The following HEMK2 variants were observed in gnomAD, a reference collection of about 807,000 sequenced individuals.
HEMK2 encodes the protein methyltransferase HEMK2.
chr21:28,779,719 C>T, the HEMK2 span, among the ~76,000 whole-genome samples: 2 of 152,146 alleles, frequency 1.3e-5, no homozygotes, highest in Non-Finnish European at 2.9e-5. Context: ...TCTATCATCT[C>T]TCTTCTTCCA....
the HEMK2 span, among the ~76,000 whole-genome samples, chr21:28,607,551 C>T: frequency 6.6e-6 from 1 of 152,206 alleles, no homozygotes; most frequent in African/African-American, 2.4e-5. Context: ...TTCACCCAAT[C>T]CATGCAAATA....
chr21:28,743,946 G>T, the HEMK2 span, among the ~76,000 whole-genome samples: 1 of 152,074 alleles, frequency 6.6e-6, no homozygotes, highest in Non-Finnish European at 1.5e-5. Flanking sequence ...TTACAGAAAC[G>T]TGGATGGAAC....
At chr21:28,754,159 C>T in the HEMK2 span, among the ~76,000 whole-genome samples, 2 of 152,228 alleles carry the variant, frequency 1.3e-5, no homozygotes, top group Non-Finnish European at 2.9e-5. Context: ...GGCCCCCTCG[C>T]ACAGTTGAGT....
the HEMK2 span, among the ~76,000 whole-genome samples, chr21:28,705,891 C>T: frequency 6.6e-6 from 1 of 152,212 alleles, no homozygotes; most frequent in Admixed American, 6.5e-5. Flanking sequence ...TCTGACCATT[C>T]TGTAATTCCA....
At chr21:28,885,109 G>C in the HEMK2 span, 1 of 1,407,292 alleles carries the variant, frequency 7.1e-7, no homozygotes, top group Non-Finnish European at 9.4e-7. Flanking sequence ...GACCCCGCCT[G>C]CTCCGGCTCA....
chr21:28,750,700 C>CAAAAAAAAAAAAAAAAAAA, the HEMK2 span, among the ~76,000 whole-genome samples: 2 of 80,366 alleles, frequency 2.5e-5, 1 homozygote, highest in African/African-American at 9.3e-5. Context: ...GGCTCCATCT[C>CAAAAAAAAAAAAAAAAAAA]AAAAAAAAAA....
the HEMK2 span, among the ~76,000 whole-genome samples, chr21:28,877,747 A>AAGAT: frequency 1.1e-4 from 17 of 152,248 alleles, no homozygotes; most frequent in South Asian, 3.5e-3. Context: ...AAAGAGAGGA[A>AAGAT]AGATTATGGT....
the HEMK2 span, among the ~76,000 whole-genome samples, chr21:28,822,877 G>A: frequency 4.5e-4 from 68 of 151,128 alleles, no homozygotes; most frequent in Non-Finnish European, 7.1e-4. Context: ...TACTCCATTC[G>A]ATTTCCATTC....
chr21:28,868,311 G>C, the HEMK2 span, among the ~76,000 whole-genome samples: 1 of 152,136 alleles, frequency 6.6e-6, no homozygotes, highest in Non-Finnish European at 1.5e-5. Flanking sequence ...GTAAGTATAG[G>C]AACAATTGGT....
At chr21:28,718,247 G>A in the HEMK2 span, among the ~76,000 whole-genome samples, 1 of 151,998 alleles carries the variant, frequency 6.6e-6, no homozygotes, top group African/African-American at 2.4e-5. Flanking sequence ...GATCTTCTTG[G>A]CATTGATTTC....
chr21:28,829,895 T>C, the HEMK2 span, among the ~76,000 whole-genome samples: 1 of 152,206 alleles, frequency 6.6e-6, no homozygotes, highest in Non-Finnish European at 1.5e-5. Flanking sequence ...TGAAATGTCC[T>C]GTTCATTTGG....
the HEMK2 span, among the ~76,000 whole-genome samples, chr21:28,713,883 A>G: frequency 6.6e-6 from 1 of 152,240 alleles, no homozygotes; most frequent in African/African-American, 2.4e-5. Flanking sequence ...TATATGGCCA[A>G]TATGTACATA....
At chr21:28,745,908 C>T in the HEMK2 span, among the ~76,000 whole-genome samples, 1 of 152,198 alleles carries the variant, frequency 6.6e-6, no homozygotes, top group East Asian at 1.9e-4. Flanking sequence ...TCAGTAACCG[C>T]AGATACTGCA....
chr21:28,750,941 A>G, the HEMK2 span, among the ~76,000 whole-genome samples: 1 of 152,148 alleles, frequency 6.6e-6, no homozygotes, highest in South Asian at 2.1e-4. Context: ...ATTAAGATAC[A>G]TTAGTTCGGC....
the HEMK2 span, among the ~76,000 whole-genome samples, chr21:28,806,110 G>A: frequency 3.3e-5 from 5 of 152,230 alleles, no homozygotes; most frequent in East Asian, 1.9e-4. Context: ...GTAAAGTACC[G>A]TATTCATGGA....
the HEMK2 span, among the ~76,000 whole-genome samples, chr21:28,678,077 T>A: frequency 6.6e-6 from 1 of 152,192 alleles, no homozygotes; most frequent in Non-Finnish European, 1.5e-5. Flanking sequence ...GAAGAAGGCT[T>A]CAGACGATCA....
chr21:28,734,644 G>C, the HEMK2 span, among the ~76,000 whole-genome samples: 4 of 152,138 alleles, frequency 2.6e-5, no homozygotes, highest in Non-Finnish European at 5.9e-5. Flanking sequence ...CCAGAGCTTT[G>C]ATCAGCTCTG....
chr21:28,658,104 A>C, the HEMK2 span, among the ~76,000 whole-genome samples: 1 of 152,064 alleles, frequency 6.6e-6, no homozygotes, highest in Admixed American at 6.6e-5. Context: ...TCAAGTGTGC[A>C]TGTCAAATAT....
chr21:28,642,882 T>A, the HEMK2 span, among the ~76,000 whole-genome samples: 2 of 152,120 alleles, frequency 1.3e-5, no homozygotes, highest in Non-Finnish European at 2.9e-5. Flanking sequence ...CCGGCTAATG[T>A]CTTTTATAAG....
Sources: allele counts gnomAD v4.1 joint callset (sites outside exome capture counted in the v4.1 genomes callset), GRCh38; gene constraint gnomAD v4.1.1; transcripts MANE v1.5; gene names NCBI Gene and HGNC (gene_info 2026-07-23, HGNC 2026-07-21).